The following RBFOX1 variants were observed in gnomAD, a reference collection of about 807,000 sequenced individuals.
RBFOX1 encodes RNA binding fox-1 homolog 1, also known as RNA binding protein fox-1 homolog 1.
RBFOX1 carries 8 observed loss-of-function variants against 57.7 expected under a neutral mutation model. The observed-to-expected ratio is 0.14, with a 90% CI of 0.08 to 0.25. RBFOX1 has a LOEUF of 0.25. Ranked by LOEUF, RBFOX1 falls within the 10% of genes least tolerant of loss-of-function variation. The pLI is 1.00. For synonymous variants in RBFOX1, 326 were observed against 222.4 expected (o/e 1.47, Z -4.15); for missense variants, 611 against 548.5 (o/e 1.11, Z -1.14).
chr16:7,252,808 C>T (rs1290643496), intron 4 of RBFOX1, among the ~76,000 whole-genome samples: 5 of 151,438 alleles, frequency 3.3e-5, no homozygotes, highest in African/African-American at 4.9e-5. Context: ...TACATAGTAA[C>T]GTCAGATCTG....
At chr16:6,710,882 C>T (rs1219114197) in intron 3 of RBFOX1, among the ~76,000 whole-genome samples, 1 of 152,160 alleles carries the variant, frequency 6.6e-6, no homozygotes, top group East Asian at 1.9e-4. Flanking sequence ...TTCATTTGTG[C>T]CAAGTGTCTG....
chr16:5,566,668 G>A (rs2046083502), intron 2 of RBFOX1, among the ~76,000 whole-genome samples: 1 of 84,354 alleles, frequency 1.2e-5, no homozygotes, highest in Admixed American at 1.5e-4. Flanking sequence ...ATATGTATAT[G>A]TGTGTATATA....
intron 4 of RBFOX1, among the ~76,000 whole-genome samples, chr16:7,394,235 C>CAAAAAAAAAAAAAAAAAAAAAAAA (rs59934126): frequency 1.8e-5 from 1 of 55,024 alleles, no homozygotes; most frequent in African/African-American, 8.4e-5. Context: ...GACTCCGCAT[C>CAAAAAAAAAAAAAAAAAAAAAAAA]AAAAAAAAAA....
rs539434992 is a variant in RBFOX1, at chr16:7,671,805, G to A, written c.931-4969G>A. On this transcript the variant is annotated intron_variant, in intron 13 of 15. Coordinates refer to ENST00000550418, the MANE Select transcript of RBFOX1 (RefSeq NM_018723.4). ...TATCTATCAGTATATCCACTGTGTT[G>A]TGGCAGTTTCTTCCAAATATGGGTG... Among the ~76,000 whole-genome samples, 5 of 152,326 alleles carry A rather than the reference G, an allele frequency of 3.3e-5. No individual in the cohort carries two copies. In the East Asian group the frequency reaches 9.7e-4, roughly 29 times the overall value.
At chr16:6,794,094 T>G (rs10163423) in intron 3 of RBFOX1, among the ~76,000 whole-genome samples, 2 of 151,910 alleles carry the variant, frequency 1.3e-5, no homozygotes, top group African/African-American at 4.8e-5. Context: ...GACTGAACTA[T>G]AAGTTTAGGG....
At chr16:5,765,335 G>A (rs544707075) in intron 3 of RBFOX1, among the ~76,000 whole-genome samples, 1 of 152,248 alleles carries the variant, frequency 6.6e-6, no homozygotes, top group East Asian at 1.9e-4. Context: ...TCAACCAATT[G>A]TTTCCCAAGG....
At chr16:5,500,159 C>G (rs1358474950) in intron 2 of RBFOX1, among the ~76,000 whole-genome samples, 2 of 140,270 alleles carry the variant, frequency 1.4e-5, no homozygotes, top group East Asian at 4.0e-4. Context: ...CCTTCCTCCC[C>G]TCCCACTCCC....
chr16:6,839,717 T>A (rs2141386689), intron 3 of RBFOX1, among the ~76,000 whole-genome samples: 1 of 152,356 alleles, frequency 6.6e-6, no homozygotes, highest in African/African-American at 2.4e-5. Context: ...GGCACACGAT[T>A]CTTCTTGTAA....
intron 5 of RBFOX1, among the ~76,000 whole-genome samples, chr16:7,576,795 T>C (rs995135265): frequency 6.6e-6 from 1 of 152,232 alleles, no homozygotes; most frequent in Non-Finnish European, 1.5e-5. Context: ...TCCAAATCTA[T>C]GTTTCCTTCT....
intron 5 of RBFOX1, among the ~76,000 whole-genome samples, chr16:7,576,781 C>T (rs1602293077): frequency 6.6e-6 from 1 of 152,200 alleles, no homozygotes; most frequent in East Asian, 1.9e-4. Flanking sequence ...CAGTTATACA[C>T]AAATCCAAAT....
intron 9 of RBFOX1, 28 bp downstream of exon 9, chr16:7,597,459 A>T: frequency 2.0e-6 from 3 of 1,536,834 alleles, no homozygotes; most frequent in Non-Finnish European, 2.7e-6. Flanking sequence ...TTTTACAAGA[A>T]ATTCTCTCTA....
intron 2 of RBFOX1, among the ~76,000 whole-genome samples, chr16:6,343,099 GA>G (rs1347230979): frequency 6.6e-6 from 1 of 152,104 alleles, no homozygotes; most frequent in Non-Finnish European, 1.5e-5. Context: ...TGGGCAGATG[GA>G]AAAATGAGTC....
intron 2 of RBFOX1, among the ~76,000 whole-genome samples, chr16:6,435,213 AG>A (rs1377528048): frequency 6.6e-6 from 1 of 152,040 alleles, no homozygotes; most frequent in African/African-American, 2.4e-5. Flanking sequence ...AGTGGTTTCA[AG>A]GCACCAATTA....
intron 3 of RBFOX1, among the ~76,000 whole-genome samples, chr16:6,664,749 G>C (rs1051477751): frequency 1.3e-5 from 2 of 152,160 alleles, no homozygotes; most frequent in African/African-American, 4.8e-5. Context: ...GGTGGAGATG[G>C]GTTGCTGCCA....
At chr16:6,376,266 C>T (rs528732649) in intron 2 of RBFOX1, among the ~76,000 whole-genome samples, 5 of 151,116 alleles carry the variant, frequency 3.3e-5, no homozygotes, top group East Asian at 3.9e-4. Flanking sequence ...CTTAGTGAGG[C>T]GGTGTGTTGT....
chr16:5,562,750 T>C (rs2045933527), intron 2 of RBFOX1, among the ~76,000 whole-genome samples: 1 of 152,118 alleles, frequency 6.6e-6, no homozygotes, highest in African/African-American at 2.4e-5. Context: ...TCTGATCTGT[T>C]CAATCGTTTC....
intron 2 of RBFOX1, among the ~76,000 whole-genome samples, chr16:6,489,639 A>C (rs1179613524): frequency 6.6e-6 from 1 of 152,214 alleles, no homozygotes; most frequent in African/African-American, 2.4e-5. Flanking sequence ...TTTTGAAACA[A>C]AAGACGTTTT....
At chr16:7,704,019 C>T (rs1057326665) in intron 14 of RBFOX1, among the ~76,000 whole-genome samples, 4 of 152,184 alleles carry the variant, frequency 2.6e-5, no homozygotes, top group Non-Finnish European at 4.4e-5. Flanking sequence ...TAATATTTAC[C>T]TGGCTTTCTT....
chr16:6,606,674 T>A (rs2097934188), intron 2 of RBFOX1, among the ~76,000 whole-genome samples: 1 of 152,070 alleles, frequency 6.6e-6, no homozygotes, highest in African/African-American at 2.4e-5. Context: ...TCCATGTCCC[T>A]GCAAAAAACA....
Sources: gnomAD v4.1 joint callset for allele counts (sites outside exome capture counted in the v4.1 genomes callset) on GRCh38, gnomAD v4.1.1 for gene constraint, MANE v1.5 for transcripts, NCBI Gene and HGNC (gene_info 2026-07-23, HGNC 2026-07-21) for gene names.